ALK: variants seen among roughly 807,000 people sequenced by gnomAD.
ALK encodes ALK tyrosine kinase receptor.
A neutral mutation model predicts 163.1 loss-of-function variants in ALK; 74 were observed. The observed-to-expected ratio is 0.45, with a 90% CI of 0.38 to 0.55. The LOEUF is 0.55. ALK is among the 20% of genes least tolerant of loss of function. ALK has a pLI of 0.00. For synonymous variants in ALK, 960 were observed against 843.2 expected, an observed-to-expected ratio of 1.14 and a Z score of -2.40; for missense variants, 2,063 against 2,105.3, an observed-to-expected ratio of 0.98 and a Z score of 0.39.
rs112686547 is a variant in ALK, at chr2:29,795,177, GAC to G, written c.668-77482_668-77481del. Among the ~76,000 whole-genome samples, 860 of 149,132 alleles carry G rather than the reference GAC, an allele frequency of 5.8e-3. 10 individuals are homozygous for G. The highest frequency in any genetic ancestry group is 0.019 in the African/African-American group (779 of 40,866). ...GCTATGAACATCAACAGAAAATTCA[GAC>G]ACACACACACACACACACACGCAAA... On this transcript the variant is annotated intron_variant, in intron 1 of 28. Coordinates refer to ENST00000389048, the MANE Select transcript of ALK (RefSeq NM_004304.5).
chr2:29,897,337 C>CA (rs544313245), intron 1 of ALK, among the ~76,000 whole-genome samples: 50 of 136,688 alleles, frequency 3.7e-4, no homozygotes, highest in East Asian at 1.5e-3. Flanking sequence ...GACTCCATCT[C>CA]AAAAAAAAAA....
intron 12 of ALK, 73 bp downstream of exon 12, chr2:29,251,032 C>A: frequency 2.0e-6 from 3 of 1,503,248 alleles, no homozygotes; most frequent in Non-Finnish European, 2.7e-6. Flanking sequence ...CAGGAACATG[C>A]ACCCATAGGC....
intron 4 of ALK, among the ~76,000 whole-genome samples, chr2:29,469,567 C>A (rs2148109989): frequency 6.6e-6 from 1 of 152,248 alleles, no homozygotes; most frequent in Middle Eastern, 3.4e-3. Context: ...CTAACTTTGG[C>A]CCTTTCTGTA....
In ALK at chr2:29,193,264, A is replaced by C; in HGVS notation, c.4823T>G (p.Ile1608Ser). Residue 1608 changes from isoleucine to serine, a missense_variant, in exon 29 of 29, where the codon ATT becomes AGT. Physicochemically the swap from Ile to Ser is moderately radical, Grantham distance 142. Transcript: ENST00000389048. ...GTTCATGCTATTCTTGCTTTTCAGA[A>C]TGGTATCCTCGTAATGACCAGCTCC... ...APGAGHYEDTILKSKNSMNQP... is the reference protein window; with the variant it reads ...APGAGHYEDTSLKSKNSMNQP... 6.2e-7 allele frequency: 1 copy of C among 1,614,176 alleles called. No homozygotes were observed. Among genetic ancestry groups the C allele is most frequent in the South Asian group, 1.1e-5 (1 of 91,084 alleles).
chr2:29,508,733 CAAAAAAAAAAAAAA>C, intron 4 of ALK, among the ~76,000 whole-genome samples: 1 of 65,498 alleles, frequency 1.5e-5, no homozygotes, highest in Non-Finnish European at 2.6e-5. Context: ...ATCTGCAACT[CAAAAAAAAAAAAAA>C]AAAAAAAAAA....
intron 1 of ALK, among the ~76,000 whole-genome samples, chr2:29,762,862 G>A (rs1265806930): frequency 2.6e-5 from 4 of 152,102 alleles, no homozygotes; most frequent in Admixed American, 2.0e-4. Flanking sequence ...GCCGAGGCGG[G>A]CGGATCACGA....
chr2:29,586,506 T>C (rs1181211429), intron 3 of ALK, among the ~76,000 whole-genome samples: 3 of 152,228 alleles, frequency 2.0e-5, no homozygotes, highest in African/African-American at 4.8e-5. Flanking sequence ...AGTTAAAATC[T>C]AGAATTAATC....
intron 1 of ALK, among the ~76,000 whole-genome samples, chr2:29,887,155 T>C (rs111735805): frequency 1.6e-4 from 24 of 152,342 alleles, no homozygotes; most frequent in African/African-American, 5.5e-4. Flanking sequence ...ATGCCATAGT[T>C]ACAAAATTCA....
At chr2:29,563,266 G>T (rs1674078346) in intron 3 of ALK, among the ~76,000 whole-genome samples, 3 of 152,162 alleles carry the variant, frequency 2.0e-5, no homozygotes, top group Admixed American at 6.5e-5. Context: ...TGTTGCAGCA[G>T]GGTTTACTTG....
chr2:29,484,024 G>T (rs1671725061), intron 4 of ALK, among the ~76,000 whole-genome samples: 1 of 152,116 alleles, frequency 6.6e-6, no homozygotes, highest in Non-Finnish European at 1.5e-5. Context: ...TGTGCAGGGG[G>T]AACTGCACTT....
In ALK at chr2:29,824,124, C is replaced by A. The variant is rs185460889; in HGVS notation, c.667+95869G>T. Among the ~76,000 whole-genome samples, 10 of 152,288 alleles carry A rather than the reference C, an allele frequency of 6.6e-5. No individual in the cohort carries two copies. The East Asian group carries it at 9.7e-4, about 15-fold the overall frequency. On this transcript the variant is annotated intron_variant, in intron 1 of 28. Coordinates refer to ENST00000389048, the MANE Select transcript of ALK (RefSeq NM_004304.5). ...GGCCATGACTTCAGAGGGTGGAAGCCCCAAACCTTAGCAGCTTCCATGTAG... is the reference window on the plus strand; with the variant it reads ...GGCCATGACTTCAGAGGGTGGAAGCACCAAACCTTAGCAGCTTCCATGTAG...
At chr2:29,694,757 G>C (rs1378002596) in intron 3 of ALK, 93 bp downstream of exon 3, 6 of 1,507,900 alleles carry the variant, frequency 4.0e-6, no homozygotes, top group Non-Finnish European at 5.5e-6. Flanking sequence ...AAACAGAGCA[G>C]AACAGGAGTG....
chr2:29,482,524 C>G (rs904990073), intron 4 of ALK, among the ~76,000 whole-genome samples: 1 of 152,080 alleles, frequency 6.6e-6, no homozygotes, highest in Non-Finnish European at 1.5e-5. Context: ...ACAGCTGGCA[C>G]CACCTGGGAA....
chr2:29,329,214 A>G (rs1440578211), intron 5 of ALK, among the ~76,000 whole-genome samples: 1 of 152,238 alleles, frequency 6.6e-6, no homozygotes, highest in Non-Finnish European at 1.5e-5. Context: ...ATGAACATAC[A>G]GAGTTATCAG....
intron 4 of ALK, among the ~76,000 whole-genome samples, chr2:29,467,900 T>C (rs140819288): frequency 1.1e-3 from 171 of 152,330 alleles, no homozygotes; most frequent in Admixed American, 9.7e-3. Flanking sequence ...TACACCAATA[T>C]TGTTATGTAA....
intron 11 of ALK, among the ~76,000 whole-genome samples, chr2:29,268,038 T>C (rs1390395493): frequency 6.6e-6 from 1 of 152,184 alleles, no homozygotes; most frequent in Non-Finnish European, 1.5e-5. Flanking sequence ...AAAAACAACA[T>C]GTTTTCTCAG....
intron 1 of ALK, among the ~76,000 whole-genome samples, chr2:29,877,317 T>C (rs888676437): frequency 6.6e-6 from 1 of 152,154 alleles, no homozygotes; most frequent in Non-Finnish European, 1.5e-5. Context: ...CCATTCCCAT[T>C]CTTGGTCTAA....
At chr2:29,619,405 C>T (rs1043161907) in intron 3 of ALK, among the ~76,000 whole-genome samples, 1 of 152,158 alleles carries the variant, frequency 6.6e-6, no homozygotes, top group Non-Finnish European at 1.5e-5. Flanking sequence ...GAAAATAAAC[C>T]ACCAATACCT....
Position 29,561,189 on chromosome 2 carries a change from C to T in ALK, c.953-29073G>A, listed in dbSNP as rs144935971. Among the ~76,000 whole-genome samples, 7 of 152,102 alleles carry T rather than the reference C, an allele frequency of 4.6e-5. No homozygotes were observed. The East Asian group carries it at 1.3e-3, about 29-fold the overall frequency. ...ACAATTTTGAATTAAGTATGTAGCT[C>T]GCATTATATTTCTATTGGGCAGCAC... On this transcript the variant is annotated intron_variant, in intron 3 of 28. Coordinates refer to ENST00000389048, the MANE Select transcript of ALK (RefSeq NM_004304.5).
Sources: gnomAD v4.1 joint callset for allele counts (sites outside exome capture counted in the v4.1 genomes callset) on GRCh38, gnomAD v4.1.1 for gene constraint, MANE v1.5 for transcripts, NCBI Gene and HGNC (gene_info 2026-07-23, HGNC 2026-07-21) for gene names.